Variants in SGK3 observed in about 807,000 individuals in gnomAD.
SGK3 encodes serum/glucocorticoid regulated kinase family member 3.
Under a neutral mutation model 68.5 loss-of-function variants are expected in SGK3, and 47 were observed. The ratio of observed to expected loss-of-function variants is 0.69; its 90% CI spans 0.54 to 0.87. The LOEUF is 0.87. Ranked by LOEUF, SGK3 falls within the 40% of genes least tolerant of loss-of-function variation. SGK3 has a pLI of 0.00. For synonymous variants in SGK3, 181 were observed against 189.1 expected, an observed-to-expected ratio of 0.96 and a Z score of 0.35; for missense variants, 479 against 575.5, an observed-to-expected ratio of 0.83 and a Z score of 1.72.
At chr8:66,827,532 T>C (rs913175087) in intron 6 of SGK3, among the ~76,000 whole-genome samples, 1 of 152,050 alleles carries the variant, frequency 6.6e-6, no homozygotes, top group South Asian at 2.1e-4. Context: ...TATAACTGAT[T>C]TAATTATCTG....
chr8:66,858,014 G>C (rs1311385480), intron 16 of SGK3, among the ~76,000 whole-genome samples: 1 of 151,968 alleles, frequency 6.6e-6, no homozygotes, highest in African/African-American at 2.4e-5. Flanking sequence ...CACAGTAAGA[G>C]TCATCTTTCA....
intron 1 of SGK3, among the ~76,000 whole-genome samples, chr8:66,782,937 A>G (rs1264813255): frequency 6.6e-6 from 1 of 152,230 alleles, no homozygotes; most frequent in African/African-American, 2.4e-5. Flanking sequence ...GTTGCTAGAG[A>G]CATCCATTTA....
rs148015139 is a variant in SGK3, at chr8:66,747,309, A to G, written c.-122+34476A>G. 1.4e-4 allele frequency among the ~76,000 whole-genome samples: 21 copies of G among 152,280 alleles called. 1 individual carries two copies. In the East Asian group the frequency reaches 3.9e-3, roughly 28 times the overall value. On this transcript the variant is annotated intron_variant, in intron 1 of 16. Transcript: ENST00000521198. ...TTTGTTGTTGTTGTTGTTTTTGAGC[A>G]TAGAACCATGGTTTTTCCATCTCAG...
chr8:66,731,780 T>C (rs573223682), intron 1 of SGK3, among the ~76,000 whole-genome samples: 14 of 152,264 alleles, frequency 9.2e-5, no homozygotes, highest in African/African-American at 3.1e-4. Context: ...GTGATCCGCC[T>C]GCTTTGGCCT....
intron 1 of SGK3, among the ~76,000 whole-genome samples, chr8:66,729,044 C>A (rs1264304303): frequency 6.6e-6 from 1 of 151,632 alleles, no homozygotes; most frequent in African/African-American, 2.4e-5. Context: ...ACAGTGAAAC[C>A]CTGTCTGTAC....
At chr8:66,768,211 A>G (rs1247302098) in intron 1 of SGK3, among the ~76,000 whole-genome samples, 2 of 152,182 alleles carry the variant, frequency 1.3e-5, no homozygotes, top group Non-Finnish European at 2.9e-5. Context: ...TAAACCCACC[A>G]TAAGTTATTA....
intron 2 of SGK3, 83 bp from the exon 3 acceptor site, chr8:66,798,459 A>T: frequency 7.7e-7 from 1 of 1,296,318 alleles, no homozygotes; most frequent in Non-Finnish European, 1.1e-6. Flanking sequence ...AAAAAAAATT[A>T]AAACAGGTTT....
rs143084838 is a variant in SGK3, at chr8:66,840,031, C to G, written c.770C>G (p.Ser257Cys). The G allele has an allele frequency of 6.2e-7, 1 of 1,613,822 alleles. No homozygotes were observed. Among genetic ancestry groups the G allele is most frequent in the African/African-American group, 1.3e-5 (1 of 74,980 alleles). Reference protein sequence around the residue: ...ELFFHLQRERSFPEHRARFYA... With the variant: ...ELFFHLQRERCFPEHRARFYA... ...TTTTTCCACTTACAAAGAGAACGGT[C>G]CTTTCCTGAGCACAGAGCTAGGTTT... Residue 257 changes from serine to cysteine, a missense_variant, in exon 11 of 17, where the codon TCC becomes TGC. Transcript: ENST00000521198.
At chr8:66,800,379 C>CTTTTTTTTTTTTTTTTTTTTT (rs35415180) in intron 3 of SGK3, among the ~76,000 whole-genome samples, 1 of 102,388 alleles carries the variant, frequency 9.8e-6, no homozygotes, top group African/African-American at 3.6e-5. Context: ...TTTTTCATTT[C>CTTTTTTTTTTTTTTTTTTTTT]TTTTTTTTTT....
chr8:66,759,002 G>T (rs1477581979), intron 1 of SGK3, among the ~76,000 whole-genome samples: 1 of 151,872 alleles, frequency 6.6e-6, no homozygotes, highest in African/African-American at 2.4e-5. Context: ...GAAACAATGG[G>T]TTCCTTATGT....
At chr8:66,806,983 G>A (rs1217199248) in intron 4 of SGK3, among the ~76,000 whole-genome samples, 1 of 152,188 alleles carries the variant, frequency 6.6e-6, no homozygotes, top group Non-Finnish European at 1.5e-5. Context: ...ATTTGAGCAA[G>A]ATGTGAAACT....
chr8:66,827,297 G>T (rs577915497), intron 6 of SGK3, among the ~76,000 whole-genome samples: 3 of 148,812 alleles, frequency 2.0e-5, no homozygotes, highest in Admixed American at 6.8e-5. Flanking sequence ...CAGGAGAATC[G>T]TTTGAACCAA....
intron 2 of SGK3, 71 bp downstream of exon 2, chr8:66,793,903 C>T: frequency 6.6e-7 from 1 of 1,504,534 alleles, no homozygotes; most frequent in South Asian, 1.2e-5. Context: ...TGCTTTTCTT[C>T]TCCAACCTAG....
chr8:66,758,398 A>G (rs991128627), intron 1 of SGK3, among the ~76,000 whole-genome samples: 7 of 152,130 alleles, frequency 4.6e-5, no homozygotes, highest in Non-Finnish European at 1.0e-4. Flanking sequence ...ACCTTTTCCA[A>G]AGCTGAAAAA....
chr8:66,840,428 A>C (rs1414538517), intron 12 of SGK3, among the ~76,000 whole-genome samples, 181 bp downstream of exon 12: 1 of 152,158 alleles, frequency 6.6e-6, no homozygotes, highest in African/African-American at 2.4e-5. Flanking sequence ...GGGGATAGAG[A>C]GTGCAAAGAT....
At chr8:66,827,595 G>A (rs770428390) in intron 6 of SGK3, among the ~76,000 whole-genome samples, 2 of 151,928 alleles carry the variant, frequency 1.3e-5, no homozygotes, top group African/African-American at 2.4e-5. Flanking sequence ...TTACTGACAC[G>A]TGGCTTTTAT....
At chr8:66,745,502 A>G (rs915978157) in intron 1 of SGK3, among the ~76,000 whole-genome samples, 6 of 152,134 alleles carry the variant, frequency 3.9e-5, no homozygotes, top group African/African-American at 1.4e-4. Flanking sequence ...TGAACCCGGG[A>G]GGAGGAGCTT....
intron 2 of SGK3, among the ~76,000 whole-genome samples, chr8:66,794,169 A>G (rs1807579582): frequency 1.3e-5 from 2 of 152,246 alleles, no homozygotes; most frequent in Non-Finnish European, 2.9e-5. Flanking sequence ...TCCTGAAGTC[A>G]TCGATTCCAT....
intron 1 of SGK3, among the ~76,000 whole-genome samples, chr8:66,723,112 TA>T (rs1563595141): frequency 0.013 from 672 of 50,700 alleles, 29 homozygotes; most frequent in Non-Finnish European, 0.019. Context: ...TATATATATA[TA>T]TATATATATA....
Sources: allele counts gnomAD v4.1 joint callset (sites outside exome capture counted in the v4.1 genomes callset), GRCh38; gene constraint gnomAD v4.1.1; transcripts MANE v1.5; gene names NCBI Gene and HGNC (gene_info 2026-07-23, HGNC 2026-07-21).